Variants in RALGPS1 observed in about 807,000 individuals in gnomAD.
RALGPS1 encodes the protein Ral GEF with PH domain and SH3 binding motif 1.
In RALGPS1, 19 loss-of-function variants were observed where a neutral mutation model predicts 78.8. That is an observed-to-expected ratio of 0.24 (90% CI 0.17 to 0.35). The LOEUF (loss-of-function observed/expected upper bound fraction) is 0.35. Ranked by LOEUF, RALGPS1 falls within the 10% of genes least tolerant of loss-of-function variation. RALGPS1 has a pLI of 1.00. For missense variants in RALGPS1, 454 were observed against 688.3 expected, an observed-to-expected ratio of 0.66 and a Z score of 3.81; for synonymous variants, 228 against 256.3, an observed-to-expected ratio of 0.89 and a Z score of 1.06.
chr9:127,108,730 A>G (rs1211053668), intron 8 of RALGPS1: 1 of 1,598,154 alleles, frequency 6.3e-7, no homozygotes, highest in Non-Finnish European at 8.6e-7. Context: ...CAGTGGCCTC[A>G]TGGTCCTTGC....
intron 1 of RALGPS1, among the ~76,000 whole-genome samples, chr9:126,919,999 C>T (rs992214882): frequency 2.0e-5 from 3 of 152,126 alleles, no homozygotes; most frequent in African/African-American, 4.8e-5. Flanking sequence ...TCCAGGCACC[C>T]TCCTATTTGT....
At position 127,114,506 on chromosome 9, in the gene RALGPS1, G is replaced by A. The variant is rs566128383; in HGVS notation, c.610+45150G>A. 3.3e-5 allele frequency among the ~76,000 whole-genome samples: 5 copies of A among 152,332 alleles called. No individual in the cohort carries two copies. The East Asian group carries it at 9.6e-4, about 29-fold the overall frequency. ...CTCTAGGCAGGACGACGACAGGAGT[G>A]CTCTTGCCGTCATTAGGCCTGCAGA... On this transcript the variant is annotated intron_variant, in intron 8 of 18. Coordinates refer to ENST00000259351, the MANE Select transcript of RALGPS1 (RefSeq NM_014636.3).
intron 8 of RALGPS1, among the ~76,000 whole-genome samples, chr9:127,136,676 A>G (rs749287204): frequency 5.3e-5 from 8 of 152,012 alleles, no homozygotes; most frequent in Admixed American, 5.2e-4. Flanking sequence ...GGCATTCCAC[A>G]CTTGCAAGCT....
In RALGPS1 at chr9:127,087,376, G is replaced by A. The variant is rs118077884; in HGVS notation, c.610+18020G>A. 1.6e-4 allele frequency: 25 copies of A among 152,608 alleles called. No homozygotes were observed. The East Asian group carries it at 4.6e-3, about 28-fold the overall frequency. 9.5% of individuals were successfully genotyped at this position (152,608 alleles called of 1,614,324 possible). A position where few individuals can be genotyped will look rare whatever the true frequency, so the allele number is the denominator to read the frequency against. On this transcript the variant is annotated intron_variant, in intron 8 of 18. Transcript: ENST00000259351. ...CACTGATGGCTTTTATTGCAGATTC[G>A]TGTCATTACAAGGATAATCTGGGAA...
At chr9:127,035,515 C>A (rs1389796109) in intron 5 of RALGPS1, among the ~76,000 whole-genome samples, 1 of 152,162 alleles carries the variant, frequency 6.6e-6, no homozygotes, top group Non-Finnish European at 1.5e-5. Flanking sequence ...GGCCAGTAGC[C>A]TAGAGGTTGC....
At chr9:127,204,048 C>T (rs1401425324) in intron 14 of RALGPS1, among the ~76,000 whole-genome samples, 6 of 152,210 alleles carry the variant, frequency 3.9e-5, no homozygotes, top group African/African-American at 1.4e-4. Flanking sequence ...CTGATCCTCC[C>T]AGGTCCTTGG....
At chr9:126,965,986 A>C in intron 3 of RALGPS1, 35 bp downstream of exon 3, 1 of 1,516,224 alleles carries the variant, frequency 6.6e-7, no homozygotes, top group Non-Finnish European at 9.2e-7. Context: ...GTGGCTGGGC[A>C]CCACAGCAGG....
chr9:126,965,747 T>G, intron 2 of RALGPS1, 97 bp from the exon 3 acceptor site: 2 of 872,590 alleles, frequency 2.3e-6, no homozygotes, highest in Non-Finnish European at 3.7e-6. Context: ...ATTGTACTAT[T>G]CCATTGCTCT....
At chr9:127,143,958 C>T (rs1174306171) in intron 8 of RALGPS1, among the ~76,000 whole-genome samples, 1 of 152,212 alleles carries the variant, frequency 6.6e-6, no homozygotes, top group Non-Finnish European at 1.5e-5. Flanking sequence ...GAGTTGGCCA[C>T]AAGCACAGCA....
chr9:126,930,514 C>T (rs2035695990), intron 1 of RALGPS1, among the ~76,000 whole-genome samples: 1 of 152,180 alleles, frequency 6.6e-6, no homozygotes, highest in African/African-American at 2.4e-5. Context: ...GTAATCTTGG[C>T]TCACGGTAAC....
In RALGPS1 at chr9:127,091,509, G is replaced by A. The variant is rs2052468243; in HGVS notation, c.610+22153G>A. 6.6e-6 allele frequency among the ~76,000 whole-genome samples: 1 copy of A among 152,176 alleles called. No individual in the cohort carries two copies. Among genetic ancestry groups the A allele is most frequent in the Non-Finnish European group, 1.5e-5 (1 of 68,022 alleles). ...GCTTTGTGAAGGGGACCTGTGGGCA[G>A]GAGAAGGGACCCTCAGGGGGTGGTA... On this transcript the variant is annotated intron_variant, in intron 8 of 18. Transcript: ENST00000259351. The surrounding 1 kb of genome is among the most constrained non-coding windows in gnomAD (Gnocchi z 4.3).
intron 8 of RALGPS1, among the ~76,000 whole-genome samples, chr9:127,123,922 C>T (rs1312970600): frequency 6.6e-6 from 1 of 152,050 alleles, no homozygotes; most frequent in Non-Finnish European, 1.5e-5. Flanking sequence ...TTGGTGGTAT[C>T]TTTGCTTTTT....
intron 8 of RALGPS1, among the ~76,000 whole-genome samples, chr9:127,148,676 C>G (rs1054631778): frequency 3.3e-5 from 5 of 152,106 alleles, no homozygotes; most frequent in Non-Finnish European, 1.5e-5. Flanking sequence ...TCCCTACCTC[C>G]TGTACTACCC....
intron 4 of RALGPS1, among the ~76,000 whole-genome samples, chr9:127,025,363 A>G (rs976216569): frequency 2.6e-5 from 4 of 152,222 alleles, no homozygotes; most frequent in African/African-American, 7.2e-5. Context: ...AAACATGCAC[A>G]TACAAGTTTT....
At chr9:126,946,349 T>C (rs1032996547) in intron 1 of RALGPS1, among the ~76,000 whole-genome samples, 4 of 151,968 alleles carry the variant, frequency 2.6e-5, no homozygotes, top group African/African-American at 9.7e-5. Context: ...TCCTGGCCAA[T>C]GTGGCGAAAC....
At chr9:126,990,152 T>C in intron 4 of RALGPS1, 1 of 866,226 alleles carries the variant, frequency 1.2e-6, no homozygotes, top group Non-Finnish European at 1.7e-6. Context: ...GGGAAGAATG[T>C]GGCCAGCAGG....
chr9:127,057,862 T>A (rs925510200), intron 7 of RALGPS1, among the ~76,000 whole-genome samples: 1 of 152,194 alleles, frequency 6.6e-6, no homozygotes, highest in East Asian at 1.9e-4. Context: ...AAGTGATCAA[T>A]AAATGTTTAT....
chr9:127,004,092 G>A (rs1366966390), intron 4 of RALGPS1, among the ~76,000 whole-genome samples: 1 of 152,168 alleles, frequency 6.6e-6, no homozygotes, highest in African/African-American at 2.4e-5. Flanking sequence ...CGTAGACAGA[G>A]TCAAAGTCTC....
Position 127,183,372 on chromosome 9 carries a change from GC to G in RALGPS1, c.910+8597del, listed in dbSNP as rs756544381. On this transcript the variant is annotated intron_variant, in intron 11 of 18. Coordinates refer to ENST00000259351, the MANE Select transcript of RALGPS1 (RefSeq NM_014636.3). This position sits in a 1 kb window ranked among gnomAD's most constrained non-coding sequence, Gnocchi z 4.0. ...TGGGGACCCCTGCAGCCCCTTCCAT[GC>G]CCCCCCGCAAAGTCTGGTGCCCACT... Among the ~76,000 whole-genome samples the G allele has an allele frequency of 1.3e-5, 2 of 151,970 alleles. No individual in the cohort carries two copies. The highest frequency in any genetic ancestry group is 2.4e-5 in the African/African-American group (1 of 41,382).
Sources: gnomAD v4.1 joint callset for allele counts (sites outside exome capture counted in the v4.1 genomes callset) on GRCh38, gnomAD v4.1.1 for gene constraint, Gnocchi (gnomAD v3.1) non-coding constraint, MANE v1.5 for transcripts, NCBI Gene and HGNC (gene_info 2026-07-23, HGNC 2026-07-21) for gene names.